TINAG: variants seen among roughly 807,000 people sequenced by gnomAD.
The protein encoded by TINAG is tubulointerstitial nephritis antigen.
Under a neutral mutation model 72.7 loss-of-function variants are expected in TINAG, and 83 were observed. The ratio of observed to expected loss-of-function variants is 1.14; its 90% confidence interval spans 0.96 to 1.37. The LOEUF (loss-of-function observed/expected upper bound fraction) is 1.37. TINAG is among the 40% of genes most tolerant of loss of function. The pLI is 0.00. For missense variants in TINAG, 685 were observed against 576.6 expected (o/e 1.19, Z -1.93); for synonymous variants, 234 against 189.9 (o/e 1.23, Z -1.91).
Position 54,343,237 on chromosome 6 carries a change from T to C in TINAG, c.636T>C (p.Pro212=). The C allele has an allele frequency of 6.4e-7, 1 of 1,566,544 alleles. No individual in the cohort carries two copies. Among genetic ancestry groups the C allele is most frequent in the Non-Finnish European group, 8.7e-7 (1 of 1,153,900 alleles). The part of the protein sequence containing the change: ...LSMNEMTASL[P]ATTDLPEFFV... ...TTCTTCCTCTTTAGGCTTCTTTACC[T>C]GCAACAACTGATCTTCCAGAGTTTT... The change falls in exon 5 of 11, where the codon CCT becomes CCC. Residue 212 remains proline (P), a synonymous_variant. Transcript: ENST00000259782.
intron 3 of TINAG, 98 bp from the exon 4 acceptor site, chr6:54,326,704 T>C: frequency 9.0e-6 from 7 of 776,130 alleles, no homozygotes; most frequent in Non-Finnish European, 1.4e-5. Context: ...GATTTGCTGC[T>C]ATTAAATTTC....
chr6:54,351,454 C>G, intron 8 of TINAG, 57 bp downstream of exon 8: 1 of 1,508,260 alleles, frequency 6.6e-7, no homozygotes, highest in Non-Finnish European at 9.2e-7. Context: ...AACAACATTA[C>G]ATTGAGCTCA....
At chr6:54,381,065 T>C (rs1490067572) in intron 10 of TINAG, among the ~76,000 whole-genome samples, 2 of 148,496 alleles carry the variant, frequency 1.3e-5, no homozygotes, top group African/African-American at 5.0e-5. Flanking sequence ...TATACACATA[T>C]ATGTATATAT....
At chr6:54,360,107 G>A (rs1763178376) in intron 9 of TINAG, among the ~76,000 whole-genome samples, 1 of 151,706 alleles carries the variant, frequency 6.6e-6, no homozygotes, top group Non-Finnish European at 1.5e-5. Context: ...GGGTGAGGCA[G>A]ATACATTCGC....
intron 2 of TINAG, 71 bp from the exon 3 acceptor site, chr6:54,321,226 T>C (rs2297986): frequency 0.49 from 553,763 of 1,124,198 alleles, 141,161 homozygotes; most frequent in Middle Eastern, 0.66. Flanking sequence ...TAACAATGTA[T>C]AACTCTTTTT....
Position 54,352,079 on chromosome 6 carries a change from T to C in TINAG, c.1126+682T>C, listed in dbSNP as rs571424328. Among the ~76,000 whole-genome samples the C allele has an allele frequency of 7.9e-5, 12 of 151,964 alleles. No individual in the cohort carries two copies. The East Asian group carries it at 2.1e-3, about 27-fold the overall frequency. On this transcript the variant is annotated intron_variant, in intron 8 of 10. Transcript: ENST00000259782. ...AATAAGGGTATACTCACAGAATGTA[T>C]TCCCTGTATAAACATTGGCTTGAAG...
chr6:54,387,416 G>A (rs369233917), intron 10 of TINAG, among the ~76,000 whole-genome samples: 12 of 152,100 alleles, frequency 7.9e-5, no homozygotes, highest in Admixed American at 7.9e-4. Context: ...TGAATTAATT[G>A]CTTACATATG....
intron 9 of TINAG, among the ~76,000 whole-genome samples, chr6:54,359,372 G>A (rs1432113160): frequency 6.6e-6 from 1 of 151,660 alleles, no homozygotes; most frequent in Non-Finnish European, 1.5e-5. Context: ...CACACACTAG[G>A]TAATTGACTT....
chr6:54,338,302 T>G (rs1205770049), intron 4 of TINAG, among the ~76,000 whole-genome samples: 7 of 152,196 alleles, frequency 4.6e-5, no homozygotes, highest in Non-Finnish European at 8.8e-5. Flanking sequence ...TTTTCTTCTC[T>G]ATGAAGAAGT....
At position 54,326,829 on chromosome 6, in the gene TINAG, T is replaced by C. The variant is rs1190993017; in HGVS notation, c.537T>C (p.Phe179=). The C allele has an allele frequency of 2.5e-6, 4 of 1,611,510 alleles. No homozygotes were observed. In the South Asian group the frequency reaches 3.3e-5, roughly 13 times the overall value. The change falls in exon 4 of 11, where the codon TTT becomes TTC. Residue 179 remains phenylalanine (F), a synonymous_variant. Transcript: ENST00000259782. ...GGACAGCACAGAATTACAGCCAATT[T>C]TGGGGAATGACTTTAGAAGATGGTT... The part of the protein sequence containing the change: ...YGWTAQNYSQ[F]WGMTLEDGFK...
At chr6:54,309,002 C>A in intron 1 of TINAG, 97 bp downstream of exon 1, 2 of 1,078,968 alleles carry the variant, frequency 1.9e-6, no homozygotes, top group South Asian at 1.6e-5. Context: ...TTCCTTCTTT[C>A]AATGAAATGA....
In TINAG at chr6:54,354,538, C is replaced by T; in HGVS notation, c.1152C>T (p.Phe384=). ...CCATAATGCAAGTCCGTGAAGATTT[C>T]TTCCATTATAAGACAGGGATATACA... ...VQAIMQVRED[F]FHYKTGIYRH... The change falls in exon 9 of 11, where the codon TTC becomes TTT. Residue 384 remains phenylalanine, a synonymous_variant. Transcript: ENST00000259782. 3.7e-6 allele frequency: 6 copies of T among 1,604,834 alleles called. No individual in the cohort carries two copies. The highest frequency in any genetic ancestry group is 1.7e-4 in the Middle Eastern group (1 of 6,018).
intron 1 of TINAG, among the ~76,000 whole-genome samples, chr6:54,318,760 T>C (rs1022151607): frequency 2.6e-5 from 4 of 152,094 alleles, no homozygotes; most frequent in African/African-American, 7.2e-5. Flanking sequence ...TTGGGAAGGA[T>C]TGTAGCAAAG....
intron 7 of TINAG, among the ~76,000 whole-genome samples, chr6:54,350,371 C>G (rs1002539037): frequency 1.3e-5 from 2 of 151,946 alleles, no homozygotes; most frequent in African/African-American, 4.8e-5. Flanking sequence ...CAGTGTTCCC[C>G]AAGCCTTCTC....
chr6:54,363,882 A>G (rs1763321041), intron 9 of TINAG, among the ~76,000 whole-genome samples: 1 of 151,558 alleles, frequency 6.6e-6, no homozygotes, highest in South Asian at 2.1e-4. Flanking sequence ...TTGGTATTCA[A>G]AGAGCATGCA....
Position 54,389,805 on chromosome 6 carries a change from C to T in TINAG, c.1311C>T (p.Ser437=), listed in dbSNP as rs1318681055. 6.3e-7 allele frequency: 1 copy of T among 1,584,918 alleles called. No homozygotes were observed. Among genetic ancestry groups the T allele is most frequent in the South Asian group, 1.2e-5 (1 of 85,232 alleles). ...QKEKFWIAAN[S]WGKSWGENGY... is the part of the protein sequence containing the mutation. Reference sequence around the variant, plus strand: ...TTTTTCTGCAGATTGCTGCCAATTCCTGGGGAAAGTCATGGGGAGAGAATG... The same window carrying T: ...TTTTTCTGCAGATTGCTGCCAATTCTTGGGGAAAGTCATGGGGAGAGAATG... The change falls in exon 11 of 11, where the codon TCC becomes TCT. Residue 437 remains serine (S), a synonymous_variant. Transcript: ENST00000259782.
Position 54,308,916 on chromosome 6 carries a change from G to A in TINAG, c.355+11G>A. ...CTTGGTATCCAGAAGGTAGGCTTTG[G>A]GAATGTGTTTCAACATCATCCTCGT... On this transcript the variant is annotated intron_variant, in intron 1 of 10. Coordinates refer to ENST00000259782, the MANE Select transcript of TINAG (RefSeq NM_014464.4). 1 of 1,587,620 alleles carries A rather than the reference G, an allele frequency of 6.3e-7. No individual in the cohort carries two copies.
At chr6:54,312,345 T>C (rs1484565817) in intron 1 of TINAG, among the ~76,000 whole-genome samples, 2 of 152,152 alleles carry the variant, frequency 1.3e-5, no homozygotes, top group Admixed American at 6.5e-5. Context: ...TTGGCTGTTG[T>C]TATGAATAAA....
At chr6:54,360,850 T>G (rs920911950) in intron 9 of TINAG, among the ~76,000 whole-genome samples, 2 of 104,496 alleles carry the variant, frequency 1.9e-5, no homozygotes, top group African/African-American at 3.9e-5. Flanking sequence ...TGTTTTTTTT[T>G]TTTTTTTTTT....
Sources: allele counts gnomAD v4.1 joint callset (sites outside exome capture counted in the v4.1 genomes callset), GRCh38; gene constraint gnomAD v4.1.1; transcripts MANE v1.5; gene names NCBI Gene and HGNC (gene_info 2026-07-23, HGNC 2026-07-21).